TNFAIP8: variants seen among roughly 807,000 people sequenced by gnomAD.
The protein encoded by TNFAIP8 is tumor necrosis factor alpha-induced protein 8.
In TNFAIP8, 7 loss-of-function variants were observed where a neutral mutation model predicts 13.3. The ratio of observed to expected loss-of-function variants is 0.52; its 90% CI spans 0.30 to 0.99. The LOEUF (loss-of-function observed/expected upper bound fraction) is 0.99, where lower values mean the gene tolerates loss of function less well. Ranked by LOEUF, TNFAIP8 falls within the 50% of genes least tolerant of loss-of-function variation. TNFAIP8 has a pLI of 0.07. For missense variants in TNFAIP8, 258 were observed against 236.9 expected, an observed-to-expected ratio of 1.09 and a Z score of -0.58; for synonymous variants, 94 against 87.6, an observed-to-expected ratio of 1.07 and a Z score of -0.41.
chr5:119,318,285 G>C (rs1266826831), intron 1 of TNFAIP8, among the ~76,000 whole-genome samples: 1 of 151,040 alleles, frequency 6.6e-6, no homozygotes, highest in Non-Finnish European at 1.5e-5. Flanking sequence ...TTTTGTTCTA[G>C]AATGGATTTC....
chr5:119,314,877 A>T (rs1217950870), intron 1 of TNFAIP8, among the ~76,000 whole-genome samples: 1 of 152,142 alleles, frequency 6.6e-6, no homozygotes, highest in Non-Finnish European at 1.5e-5. Flanking sequence ...CTAACCACTT[A>T]CTACAAGTTA....
At chr5:119,299,730 G>T (rs1446520052) in intron 1 of TNFAIP8, among the ~76,000 whole-genome samples, 1 of 152,240 alleles carries the variant, frequency 6.6e-6, no homozygotes, top group Non-Finnish European at 1.5e-5. Flanking sequence ...TACAGAGGCA[G>T]GCAGGCCTCC....
chr5:119,341,184 G>A (rs972605720), intron 1 of TNFAIP8, among the ~76,000 whole-genome samples: 4 of 150,768 alleles, frequency 2.7e-5, no homozygotes, highest in African/African-American at 7.3e-5. Context: ...ACCCTCCAGT[G>A]CTCTGCTCTG....
intron 1 of TNFAIP8, among the ~76,000 whole-genome samples, chr5:119,383,682 AAAAC>A (rs1465901251): frequency 6.6e-6 from 1 of 152,208 alleles, no homozygotes; most frequent in East Asian, 1.9e-4. Context: ...AGGGAGAAAA[AAAAC>A]AAATCTAAGT....
At chr5:119,299,613 C>G (rs1749295437) in intron 1 of TNFAIP8, among the ~76,000 whole-genome samples, 1 of 152,182 alleles carries the variant, frequency 6.6e-6, no homozygotes, top group Non-Finnish European at 1.5e-5. Flanking sequence ...CAGCTGTGTG[C>G]TGGGAGAACC....
At chr5:119,349,439 T>C (rs189028798) in intron 1 of TNFAIP8, among the ~76,000 whole-genome samples, 7 of 152,352 alleles carry the variant, frequency 4.6e-5, no homozygotes, top group Admixed American at 1.3e-4. Flanking sequence ...TTAAATGACT[T>C]TGCCTATTTT....
intron 1 of TNFAIP8, among the ~76,000 whole-genome samples, chr5:119,300,005 C>G (rs1329169713): frequency 6.6e-6 from 1 of 152,348 alleles, no homozygotes; most frequent in Admixed American, 6.5e-5. Flanking sequence ...TTCCAGGTGC[C>G]GTCTGTCACC....
intron 1 of TNFAIP8, among the ~76,000 whole-genome samples, chr5:119,295,188 TCTAAC>T (rs1749131201): frequency 4.1e-5 from 1 of 24,154 alleles, no homozygotes; most frequent in Non-Finnish European, 6.7e-5. Context: ...TAACGTTTAG[TCTAAC>T]GTTAGACCTA....
chr5:119,347,336 C>T (rs958266195), intron 1 of TNFAIP8, among the ~76,000 whole-genome samples: 7 of 152,284 alleles, frequency 4.6e-5, no homozygotes, highest in Admixed American at 4.6e-4. Context: ...CTGATATGGG[C>T]TGATTATATA....
chr5:119,273,284 T>G (rs1306234107), intron 1 of TNFAIP8, among the ~76,000 whole-genome samples: 1 of 152,216 alleles, frequency 6.6e-6, no homozygotes, highest in Non-Finnish European at 1.5e-5. Context: ...GAGGACTTAG[T>G]TAGATTGGCC....
intron 1 of TNFAIP8, among the ~76,000 whole-genome samples, chr5:119,292,840 G>A (rs1038167451): frequency 6.6e-6 from 1 of 151,644 alleles, no homozygotes; most frequent in African/African-American, 2.4e-5. Context: ...TGAAATGCCT[G>A]GAAAAGGCGA....
chr5:119,320,257 C>T (rs1750015552), intron 1 of TNFAIP8, among the ~76,000 whole-genome samples: 1 of 152,194 alleles, frequency 6.6e-6, no homozygotes, highest in Non-Finnish European at 1.5e-5. Flanking sequence ...TTCATTGGTT[C>T]AGGGTCCCTA....
chr5:119,318,317 T>G (rs1749958271), intron 1 of TNFAIP8, among the ~76,000 whole-genome samples: 1 of 152,108 alleles, frequency 6.6e-6, no homozygotes, highest in South Asian at 2.1e-4. Flanking sequence ...GGTCTCCCTC[T>G]GTTAGCCAGG....
chr5:119,364,793 A>G (rs1287355542), intron 1 of TNFAIP8, among the ~76,000 whole-genome samples: 1 of 149,380 alleles, frequency 6.7e-6, no homozygotes, highest in Non-Finnish European at 1.5e-5. Context: ...TCAAAATTAG[A>G]TAATTTTTTT....
At chr5:119,294,906 A>G (rs1251887134) in intron 1 of TNFAIP8, among the ~76,000 whole-genome samples, 2 of 151,188 alleles carry the variant, frequency 1.3e-5, no homozygotes, top group Non-Finnish European at 3.0e-5. Context: ...TTCTCTTGTA[A>G]ATTTGTTTGA....
At chr5:119,304,574 A>G (rs1749495309) in intron 1 of TNFAIP8, among the ~76,000 whole-genome samples, 1 of 152,182 alleles carries the variant, frequency 6.6e-6, no homozygotes, top group Non-Finnish European at 1.5e-5. Flanking sequence ...CCTTAGAATT[A>G]CCTGAATATG....
exon 1 of TNFAIP8, chr5:119,268,768 C>CT (rs1310709595): frequency 1.5e-6 from 1 of 671,596 alleles, no homozygotes; most frequent in East Asian, 2.8e-5. Flanking sequence ...CCTCTGCCTC[C>CT]TTTTCTCCCG....
At chr5:119,342,763 C>T (rs1328100451) in intron 1 of TNFAIP8, among the ~76,000 whole-genome samples, 3 of 152,180 alleles carry the variant, frequency 2.0e-5, no homozygotes, top group Non-Finnish European at 4.4e-5. Flanking sequence ...TTATTCTCTA[C>T]CTGGGGGCAT....
At chr5:119,324,264 G>T (rs1750145628) in intron 1 of TNFAIP8, among the ~76,000 whole-genome samples, 1 of 85,520 alleles carries the variant, frequency 1.2e-5, no homozygotes, top group African/African-American at 4.6e-5. Flanking sequence ...CACAAAGCAA[G>T]ACGCCATCTC....
Sources: allele counts gnomAD v4.1 joint callset (sites outside exome capture counted in the v4.1 genomes callset), GRCh38; gene constraint gnomAD v4.1.1; transcripts MANE v1.5; gene names NCBI Gene and HGNC (gene_info 2026-07-23, HGNC 2026-07-21).